BBS4: variants seen among roughly 807,000 people sequenced by gnomAD.
BBS4 encodes the protein BBSome complex member BBS4.
A neutral mutation model predicts 71.4 loss-of-function variants in BBS4; 58 were observed. That is an observed-to-expected ratio of 0.81 (90% confidence interval 0.66 to 1.01). BBS4 has a LOEUF of 1.01. Among genes scored for constraint, BBS4 ranks in the 50% least tolerant of loss-of-function variants. The pLI, the probability that BBS4 is intolerant of heterozygous loss-of-function variation, is 0.00. For missense variants in BBS4, 660 were observed against 607.9 expected (o/e 1.09, Z -0.90); for synonymous variants, 228 against 216.8 (o/e 1.05, Z -0.46).
Position 72,727,931 on chromosome 15 carries a change from A to G in BBS4, c.588-9A>G, listed in dbSNP as rs553655236. 16 of 1,606,832 alleles carry G rather than the reference A, an allele frequency of 1.0e-5. No individual in the cohort carries two copies. Among genetic ancestry groups the G allele is most frequent in the South Asian group, 5.5e-5 (5 of 90,930 alleles). On this transcript the variant is annotated splice_polypyrimidine_tract_variant and intron_variant, in intron 8 of 15. Coordinates refer to ENST00000268057, the MANE Select transcript of BBS4 (RefSeq NM_033028.5). ...ATCTTGTTTCCCTCTGAGCATCTCT[A>G]TGTTGCAGGTTCTCACCAGAAAATA... is the stretch of plus-strand genomic sequence containing the variant.
At chr15:72,700,461 C>G (rs576335150) in intron 2 of BBS4, among the ~76,000 whole-genome samples, 18 of 152,314 alleles carry the variant, frequency 1.2e-4, no homozygotes, top group Admixed American at 2.0e-4. Context: ...TTGTTACTAT[C>G]AGTCTTTTTC....
chr15:72,691,302 A>G, intron 1 of BBS4, among the ~76,000 whole-genome samples: 1 of 152,134 alleles, frequency 6.6e-6, no homozygotes, highest in African/African-American at 2.4e-5. Context: ...CCTGTAAAAG[A>G]GTGCTTAAAA....
In BBS4 at chr15:72,736,845, A is replaced by G. The variant is rs2065934987; in HGVS notation, c.1332A>G (p.Lys444=). 1.2e-6 allele frequency: 2 copies of G among 1,614,198 alleles called. No homozygotes were observed. The highest frequency in any genetic ancestry group is 1.7e-6 in the Non-Finnish European group (2 of 1,180,036). The part of the protein sequence containing the change: ...LVWTKPVKDP[K]SKHQTTSTSK... ...GGACCAAACCAGTTAAAGATCCCAAATCAAAGCACCAGACCACTTCAACCA... is the reference window on the plus strand; with the variant it reads ...GGACCAAACCAGTTAAAGATCCCAAGTCAAAGCACCAGACCACTTCAACCA... Residue 444 remains lysine, a synonymous_variant, in exon 15 of 16, where the codon AAA becomes AAG. Coordinates refer to ENST00000268057, the MANE Select transcript of BBS4 (RefSeq NM_033028.5).
intron 15 of BBS4, 98 bp downstream of exon 15, chr15:72,737,061 A>C (rs1345748577): frequency 4.3e-6 from 6 of 1,409,468 alleles, no homozygotes; most frequent in African/African-American, 4.2e-5. Flanking sequence ...CTTCAGACTC[A>C]TATGTCCAAC....
chr15:72,735,115 G>A lies in BBS4; in HGVS notation c.1039G>A (p.Ala347Thr), dbSNP rs1227809805. Reference protein sequence around the residue: ...MGELYMLLAVALTNLEDIENA... With the variant: ...MGELYMLLAVTLTNLEDIENA... ...CTGCAGTGCTTTCTTTGTTGCAGTG[G>A]CTCTGACCAATCTGGAAGATATAGA... The change falls in exon 13 of 16, where the codon GCT becomes ACT. Residue 347 changes from alanine (A) to threonine (T), a missense_variant and splice_region_variant. By Grantham distance (58) the Ala-to-Thr change is moderately conservative. Coordinates refer to ENST00000268057, the MANE Select transcript of BBS4 (RefSeq NM_033028.5). 24 of 1,612,846 alleles carry A rather than the reference G, an allele frequency of 1.5e-5. No homozygotes were observed. The highest frequency in any genetic ancestry group is 2.0e-5 in the Non-Finnish European group (23 of 1,179,078).
At chr15:72,711,320 T>G (rs2065367558) in intron 3 of BBS4, among the ~76,000 whole-genome samples, 1 of 151,868 alleles carries the variant, frequency 6.6e-6, no homozygotes, top group Non-Finnish European at 1.5e-5. Context: ...GCTAATTTTT[T>G]GTGTTTTTAG....
chr15:72,704,427 G>T, intron 2 of BBS4: 1 of 1,287,226 alleles, frequency 7.8e-7, no homozygotes, highest in South Asian at 1.2e-5. Context: ...TTTTTAGGGG[G>T]AGTTGGAGTG....
chr15:72,733,326 G>C (rs915563204), intron 12 of BBS4, among the ~76,000 whole-genome samples: 24 of 135,226 alleles, frequency 1.8e-4, no homozygotes, highest in African/African-American at 6.7e-4. Flanking sequence ...TAGGTTCAGG[G>C]GTACATGTGC....
chr15:72,718,879 G>T (rs1224374309), intron 6 of BBS4, among the ~76,000 whole-genome samples: 1 of 152,152 alleles, frequency 6.6e-6, no homozygotes, highest in Non-Finnish European at 1.5e-5. Context: ...TTTAGGTTCT[G>T]AGGGGATATC....
In BBS4 at chr15:72,716,771, T is replaced by C; in HGVS notation, c.333-7T>C. 1.9e-6 allele frequency: 3 copies of C among 1,592,510 alleles called. No homozygotes were observed. Among genetic ancestry groups the C allele is most frequent in the Non-Finnish European group, 2.6e-6 (3 of 1,163,616 alleles). On this transcript the variant is annotated splice_region_variant and splice_polypyrimidine_tract_variant and intron_variant, in intron 5 of 15. Coordinates refer to ENST00000268057, the MANE Select transcript of BBS4 (RefSeq NM_033028.5). ...GGTAATAATTATGGAAAATATATCTTTTACAGATTTCTTTTGGGAAAACAT... is the reference window on the plus strand; with the variant it reads ...GGTAATAATTATGGAAAATATATCTCTTACAGATTTCTTTTGGGAAAACAT...
At chr15:72,706,982 T>C (rs907195964) in intron 2 of BBS4, among the ~76,000 whole-genome samples, 2 of 151,992 alleles carry the variant, frequency 1.3e-5, no homozygotes, top group African/African-American at 4.8e-5. Context: ...TGTCTGGTTG[T>C]ACCTTTTAAT....
intron 4 of BBS4, among the ~76,000 whole-genome samples, chr15:72,713,369 T>G (rs983925073): frequency 2.8e-5 from 4 of 143,182 alleles, no homozygotes; most frequent in African/African-American, 1.0e-4. Context: ...ACGCACGCAC[T>G]GGTCTAGGCC....
chr15:72,725,658 T>C (rs536021382), intron 8 of BBS4, among the ~76,000 whole-genome samples: 2 of 151,622 alleles, frequency 1.3e-5, no homozygotes, highest in East Asian at 3.9e-4. Context: ...CAGTATCTTT[T>C]TTCCCCCTTC....
intron 3 of BBS4, 120 bp downstream of exon 3, chr15:72,709,899 C>T (rs2065334936): frequency 2.4e-6 from 2 of 841,398 alleles, no homozygotes; most frequent in East Asian, 5.1e-5. Context: ...TTCCTTCTTC[C>T]CCATACTTCA....
chr15:72,715,704 G>A lies in BBS4; in HGVS notation c.332+302G>A, dbSNP rs747696815. Among the ~76,000 whole-genome samples, 47 of 152,124 alleles carry A rather than the reference G, an allele frequency of 3.1e-4. 1 individual carries two copies. The highest frequency in any genetic ancestry group is 6.2e-4 in the South Asian group (3 of 4,830). On this transcript the variant is annotated intron_variant, in intron 5 of 15. Coordinates refer to ENST00000268057, the MANE Select transcript of BBS4 (RefSeq NM_033028.5). ...TACCCTAAGTCTTCTAAACTTATTG[G>A]CAATCCTTGGAATTTTTCTCATCTA...
At chr15:72,718,348 CT>C (rs1159809418) in intron 6 of BBS4, among the ~76,000 whole-genome samples, 1 of 152,048 alleles carries the variant, frequency 6.6e-6, no homozygotes, top group African/African-American at 2.4e-5. Context: ...TTCTTTTCTG[CT>C]TCTCAGAATT....
intron 1 of BBS4, among the ~76,000 whole-genome samples, chr15:72,689,744 C>T (rs1021324435): frequency 6.7e-6 from 1 of 148,658 alleles, no homozygotes; most frequent in Non-Finnish European, 1.5e-5. Context: ...GAATGAGCAA[C>T]TAACTCTGGC....
chr15:72,695,520 C>G (rs2065061674), intron 2 of BBS4, among the ~76,000 whole-genome samples: 1 of 152,164 alleles, frequency 6.6e-6, no homozygotes, highest in South Asian at 2.1e-4. Flanking sequence ...CTCCTGACCT[C>G]AGGTGATCTG....
intron 2 of BBS4, chr15:72,704,273 A>T: frequency 5.2e-6 from 2 of 386,916 alleles, no homozygotes; most frequent in Non-Finnish European, 9.8e-6. Flanking sequence ...GGCTCCTGAA[A>T]TGTAGCATTG....
Sources: allele counts gnomAD v4.1 joint callset (sites outside exome capture counted in the v4.1 genomes callset), GRCh38; gene constraint gnomAD v4.1.1; transcripts MANE v1.5; gene names NCBI Gene and HGNC (gene_info 2026-07-23, HGNC 2026-07-21).